Variants in B3GALT1 observed in about 807,000 individuals in gnomAD.
The protein encoded by B3GALT1 is UDP-Gal:betaGlcNAc beta 1,3-galactosyltransferase, polypeptide 1.
Under a neutral mutation model 23.2 loss-of-function variants are expected in B3GALT1, and 10 were observed. The ratio of observed to expected loss-of-function variants is 0.43; its 90% CI spans 0.27 to 0.73. B3GALT1 has a LOEUF of 0.73. B3GALT1 is among the 30% of genes least tolerant of loss of function. The pLI, the probability that B3GALT1 is intolerant of heterozygous loss-of-function variation, is 0.21. For missense variants in B3GALT1, 299 were observed against 405.4 expected, an observed-to-expected ratio of 0.74 and a Z score of 2.25; for synonymous variants, 156 against 141.5, an observed-to-expected ratio of 1.10 and a Z score of -0.73.
intron 1 of B3GALT1, among the ~76,000 whole-genome samples, chr2:167,336,871 A>G (rs371920896): frequency 2.0e-5 from 3 of 152,298 alleles, no homozygotes; most frequent in East Asian, 1.9e-4. Context: ...ATTTAACCCA[A>G]TAGGCCCAGC....
At chr2:167,379,942 C>T (rs976370053) in intron 1 of B3GALT1, among the ~76,000 whole-genome samples, 2 of 152,178 alleles carry the variant, frequency 1.3e-5, no homozygotes, top group Non-Finnish European at 2.9e-5. Flanking sequence ...AGGAGAGGGC[C>T]CCCCTGTACC....
At chr2:167,466,697 A>G (rs1348174498) in intron 1 of B3GALT1, among the ~76,000 whole-genome samples, 1 of 117,196 alleles carries the variant, frequency 8.5e-6, no homozygotes, top group Non-Finnish European at 1.9e-5. Flanking sequence ...CCTTGTTTAT[A>G]TAATTTTTAA....
At chr2:167,864,245 C>T (rs1030786182) in intron 4 of B3GALT1, among the ~76,000 whole-genome samples, 3 of 152,090 alleles carry the variant, frequency 2.0e-5, no homozygotes, top group Non-Finnish European at 4.4e-5. Context: ...AGCAATGGAA[C>T]CACATCTAAG....
chr2:167,613,897 T>A (rs541915442), intron 2 of B3GALT1, among the ~76,000 whole-genome samples: 67 of 151,950 alleles, frequency 4.4e-4, no homozygotes, highest in African/African-American at 1.5e-3. Context: ...TTCAGTCAAC[T>A]AAGACTGAAG....
At chr2:167,808,002 T>A (rs1484281999) in intron 3 of B3GALT1, among the ~76,000 whole-genome samples, 7 of 152,162 alleles carry the variant, frequency 4.6e-5, no homozygotes, top group Non-Finnish European at 7.3e-5. Flanking sequence ...TGGGTGCATA[T>A]ATATTTAGGA....
Position 167,806,212 on chromosome 2 carries a change from C to T in B3GALT1, c.-351-12460C>T, listed in dbSNP as rs544922224. On this transcript the variant is annotated intron_variant, in intron 3 of 4. Transcript: ENST00000392690. ...AGACTTTGCTGAAGTTGCCCATCAG[C>T]TTAAGGAGATTTTGGGCTGAGATGA... 2.5e-3 allele frequency among the ~76,000 whole-genome samples: 387 copies of T among 152,308 alleles called. 2 individuals are homozygous for T. The highest frequency in any genetic ancestry group is 3.9e-3 in the Non-Finnish European group (265 of 68,020).
At chr2:167,447,853 GGC>G (rs1301016354) in intron 1 of B3GALT1, among the ~76,000 whole-genome samples, 5 of 152,082 alleles carry the variant, frequency 3.3e-5, no homozygotes, top group Admixed American at 1.3e-4. Flanking sequence ...TTGCTTGGTG[GGC>G]TGCATCCACT....
At chr2:167,348,593 T>C (rs1697260327) in intron 1 of B3GALT1, among the ~76,000 whole-genome samples, 1 of 152,210 alleles carries the variant, frequency 6.6e-6, no homozygotes. Context: ...TTTCATCCTC[T>C]GCTCTAAACT....
intron 4 of B3GALT1, among the ~76,000 whole-genome samples, chr2:167,825,471 T>C (rs2105371851): frequency 6.9e-6 from 1 of 145,152 alleles, no homozygotes; most frequent in East Asian, 2.0e-4. Flanking sequence ...CACGTGTGTG[T>C]GTGTGTTATA....
intron 2 of B3GALT1, among the ~76,000 whole-genome samples, chr2:167,588,709 T>C (rs1225806927): frequency 1.3e-5 from 2 of 152,028 alleles, no homozygotes; most frequent in African/African-American, 4.8e-5. Flanking sequence ...ATGTTTTTTC[T>C]AATATGCTAT....
intron 1 of B3GALT1, among the ~76,000 whole-genome samples, chr2:167,304,272 T>A (rs1236376485): frequency 6.6e-6 from 1 of 152,166 alleles, no homozygotes. Context: ...ATCCCAGAGC[T>A]CACCACTTTG....
rs144812747 is a variant in B3GALT1 at position 167,723,621 on chromosome 2, C to T, written c.-352+76655C>T. ...TCTCAACTCACTGCAACATCTGCCT[C>T]TTGTGTTCAAGCAATTCTCCTGTCT... is the stretch of plus-strand genomic sequence containing the variant. On this transcript the variant is annotated intron_variant, in intron 3 of 4. Transcript: ENST00000392690. Among the ~76,000 whole-genome samples, 14 of 152,044 alleles carry T rather than the reference C, an allele frequency of 9.2e-5. No homozygotes were observed. In the East Asian group the frequency reaches 2.1e-3, roughly 23 times the overall value.
intron 3 of B3GALT1, among the ~76,000 whole-genome samples, chr2:167,802,748 T>C (rs1688661455): frequency 6.6e-6 from 1 of 152,162 alleles, no homozygotes; most frequent in Admixed American, 6.6e-5. Flanking sequence ...TTGAAATACA[T>C]TACCCCAGGT....
chr2:167,629,377 G>A (rs182999688), intron 2 of B3GALT1, among the ~76,000 whole-genome samples: 82 of 151,736 alleles, frequency 5.4e-4, no homozygotes, highest in Admixed American at 7.2e-4. Context: ...TAATTTTGAC[G>A]TCAGCCTATG....
chr2:167,872,929 C>G lies in B3GALT1; in HGVS notation c.*2909C>G, dbSNP rs1366680296. The G allele has an allele frequency of 6.6e-6, 1 of 152,140 alleles. No individual in the cohort carries two copies. The highest frequency in any genetic ancestry group is 1.5e-5 in the Non-Finnish European group (1 of 68,024). The allele number at this position is 152,140 out of a possible 1,614,324, so 9.4% of individuals were successfully genotyped here. A position where few individuals can be genotyped will look rare whatever the true frequency, so the allele number is the denominator to read the frequency against. ...CATGGAGCTTTTGGTGAAGCAAGGC[C>G]ATTTGTCCAGTGTTTCATAGCCTTA... On this transcript the variant is annotated 3_prime_UTR_variant, in exon 5 of 5. Transcript: ENST00000392690.
intron 2 of B3GALT1, among the ~76,000 whole-genome samples, chr2:167,547,651 T>G (rs926640966): frequency 7.0e-6 from 1 of 143,048 alleles, no homozygotes; most frequent in African/African-American, 2.7e-5. Flanking sequence ...GCTGATACCA[T>G]GCACTGTACT....
intron 2 of B3GALT1, among the ~76,000 whole-genome samples, chr2:167,505,699 GTGGGAAAAAAATAATACAAC>G (rs1363325635): frequency 6.6e-6 from 1 of 152,010 alleles, no homozygotes; most frequent in African/African-American, 2.4e-5. Flanking sequence ...TTAGATCCAA[GTGGGAAAAAAATAATACAAC>G]TGGGAAAAAA....
intron 4 of B3GALT1, among the ~76,000 whole-genome samples, chr2:167,833,512 ACT>A (rs1416601676): frequency 6.6e-6 from 1 of 152,094 alleles, no homozygotes; most frequent in East Asian, 1.9e-4. Flanking sequence ...ATCAGATGAA[ACT>A]CACTCCCCAA....
At chr2:167,853,544 C>G (rs1689944283) in intron 4 of B3GALT1, among the ~76,000 whole-genome samples, 1 of 151,968 alleles carries the variant, frequency 6.6e-6, no homozygotes, top group Non-Finnish European at 1.5e-5. Context: ...AGGAAATTTG[C>G]ATTTTCATTT....
Sources: allele counts gnomAD v4.1 joint callset (sites outside exome capture counted in the v4.1 genomes callset), GRCh38; gene constraint gnomAD v4.1.1; transcripts MANE v1.5; gene names NCBI Gene and HGNC (gene_info 2026-07-23, HGNC 2026-07-21).